The following CTIF variants were observed in gnomAD, a reference collection of about 807,000 sequenced individuals.
CTIF encodes the protein CBP80/20-dependent translation initiation factor.
A neutral mutation model predicts 66.0 loss-of-function variants in CTIF; 21 were observed. The ratio of observed to expected loss-of-function variants is 0.32; its 90% confidence interval spans 0.23 to 0.46. The LOEUF is 0.46. Ranked by LOEUF, CTIF falls within the 20% of genes least tolerant of loss-of-function variation. The pLI, the probability that CTIF is intolerant of heterozygous loss-of-function variation, is 1.00. For synonymous variants in CTIF, 345 were observed against 326.4 expected, an observed-to-expected ratio of 1.06 and a Z score of -0.62; for missense variants, 739 against 812.7, an observed-to-expected ratio of 0.91 and a Z score of 1.10.
chr18:48,727,432 T>A (rs1037554130), intron 7 of CTIF, among the ~76,000 whole-genome samples: 10 of 152,206 alleles, frequency 6.6e-5, no homozygotes, highest in African/African-American at 2.4e-4. Context: ...GCAGCTGATT[T>A]GTTGCTCAGA....
At chr18:48,676,941 A>G (rs1305392753) in intron 6 of CTIF, among the ~76,000 whole-genome samples, 2 of 151,916 alleles carry the variant, frequency 1.3e-5, no homozygotes, top group African/African-American at 2.4e-5. Context: ...CCGATAAGGA[A>G]TGGCCTGGCA....
At chr18:48,689,306 A>G (rs1462807032) in intron 6 of CTIF, among the ~76,000 whole-genome samples, 1 of 152,190 alleles carries the variant, frequency 6.6e-6, no homozygotes, top group Non-Finnish European at 1.5e-5. Context: ...TCTGTCTGAT[A>G]TTGTCATAAA....
chr18:48,585,659 A>T (rs145706969), intron 1 of CTIF, among the ~76,000 whole-genome samples: 1 of 152,208 alleles, frequency 6.6e-6, no homozygotes, highest in African/African-American at 2.4e-5. Flanking sequence ...AGCTGTGGAC[A>T]GGGACACTTG....
chr18:48,602,652 T>C (rs569329674), intron 1 of CTIF, among the ~76,000 whole-genome samples: 10 of 152,240 alleles, frequency 6.6e-5, no homozygotes, highest in Non-Finnish European at 1.3e-4. Flanking sequence ...TCTCCTATGT[T>C]GGTGCTGCTT....
intron 1 of CTIF, among the ~76,000 whole-genome samples, chr18:48,613,371 C>G (rs1252755077): frequency 6.6e-6 from 1 of 152,064 alleles, no homozygotes; most frequent in Non-Finnish European, 1.5e-5. Flanking sequence ...TCAGGCTGCC[C>G]CACGGTGTTC....
chr18:48,761,705 C>T lies in CTIF; in HGVS notation c.1371+16C>T. ...CATGCTGCAGGTAACTGGACGCCGG[C>T]CACCACCGCCCCGCGCCCCCTGCCC... On this transcript the variant is annotated intron_variant, in intron 9 of 11. Transcript: ENST00000256413. The surrounding 1 kb of genome is among the most constrained non-coding windows in gnomAD (Gnocchi z 4.2). 1 of 1,596,782 alleles carries T rather than the reference C, an allele frequency of 6.3e-7. No homozygotes were observed. Among genetic ancestry groups the T allele is most frequent in the Non-Finnish European group, 8.6e-7 (1 of 1,168,018 alleles).
intron 1 of CTIF, among the ~76,000 whole-genome samples, chr18:48,543,466 C>G (rs981316220): frequency 6.6e-6 from 1 of 152,162 alleles, no homozygotes; most frequent in African/African-American, 2.4e-5. Flanking sequence ...CCCTGCCTCC[C>G]GCTGTGTGCG....
intron 9 of CTIF, among the ~76,000 whole-genome samples, chr18:48,814,805 G>A (rs1161094495): frequency 1.3e-5 from 2 of 152,200 alleles, no homozygotes; most frequent in Non-Finnish European, 2.9e-5. Flanking sequence ...AAAGATGCTG[G>A]GCACGCACTA....
chr18:48,636,521 T>C (rs1271663209), intron 2 of CTIF, 93 bp from the exon 3 acceptor site: 17 of 873,584 alleles, frequency 1.9e-5, no homozygotes, highest in Non-Finnish European at 2.6e-5. Flanking sequence ...GTCATGCTAA[T>C]GGGGAAGGCC....
chr18:48,659,758 G>A (rs1298609550), intron 3 of CTIF, among the ~76,000 whole-genome samples: 1 of 152,230 alleles, frequency 6.6e-6, no homozygotes, highest in Non-Finnish European at 1.5e-5. Context: ...AGAGAGGAAG[G>A]AGAAGCAGCC....
intron 1 of CTIF, among the ~76,000 whole-genome samples, chr18:48,617,251 G>A (rs904435638): frequency 6.6e-6 from 1 of 152,214 alleles, no homozygotes; most frequent in Non-Finnish European, 1.5e-5. Flanking sequence ...CAGCAACAGT[G>A]CATTGAGTCT....
chr18:48,776,378 C>G, intron 9 of CTIF, among the ~76,000 whole-genome samples: 1 of 34,298 alleles, frequency 2.9e-5, no homozygotes, highest in Middle Eastern at 0.011. Flanking sequence ...CATGATGCCA[C>G]CCCCAGGAGC....
At position 48,862,930 on chromosome 18, in the gene CTIF, G is replaced by GTGTT. The variant is rs2069509755; in HGVS notation, c.*3372_*3375dup. The GTGTT allele has an allele frequency of 6.6e-6, 1 of 152,340 alleles. No individual in the cohort carries two copies. The allele number at this position is 152,340 out of a possible 1,614,324, so 9.4% of individuals were successfully genotyped here. A position where few individuals can be genotyped will look rare whatever the true frequency, so the allele number is the denominator to read the frequency against. On this transcript the variant is annotated 3_prime_UTR_variant, in exon 12 of 12. Transcript: ENST00000256413. ...TCGTGTCCCTCAGCTGCAGGGCACT[G>GTGTT]TGTTGGGAAACCATTGGCTGGGCCT...
At chr18:48,734,354 C>T (rs1160994617) in intron 7 of CTIF, among the ~76,000 whole-genome samples, 3 of 152,138 alleles carry the variant, frequency 2.0e-5, no homozygotes, top group African/African-American at 7.2e-5. Context: ...TCACTTGAGG[C>T]CAGGAGTTCA....
intron 1 of CTIF, among the ~76,000 whole-genome samples, chr18:48,554,054 G>C (rs1001657156): frequency 1.3e-5 from 2 of 152,194 alleles, no homozygotes; most frequent in African/African-American, 2.4e-5. Flanking sequence ...GCAGATTGCA[G>C]TGGGTGAAGA....
At chr18:48,787,958 G>T (rs1226973420) in intron 9 of CTIF, among the ~76,000 whole-genome samples, 2 of 152,168 alleles carry the variant, frequency 1.3e-5, no homozygotes, top group Non-Finnish European at 2.9e-5. Context: ...TGTCCTGATT[G>T]TCTCTCCTGG....
At chr18:48,835,669 G>A (rs2068792415) in intron 10 of CTIF, among the ~76,000 whole-genome samples, 1 of 152,142 alleles carries the variant, frequency 6.6e-6, no homozygotes, top group Non-Finnish European at 1.5e-5. Context: ...TGACCCCCAT[G>A]AGTGGCCTTG....
At chr18:48,596,477 CTT>C (rs112975997) in intron 1 of CTIF, among the ~76,000 whole-genome samples, 5 of 145,104 alleles carry the variant, frequency 3.4e-5, no homozygotes, top group Admixed American at 6.9e-5. Context: ...TTCTTTCTTT[CTT>C]TTTTTTTTTT....
At chr18:48,542,828 C>T (rs2088651703) in intron 1 of CTIF, among the ~76,000 whole-genome samples, 1 of 152,226 alleles carries the variant, frequency 6.6e-6, no homozygotes, top group South Asian at 2.1e-4. Context: ...TTTGCAACCT[C>T]CCGGGAGGGC....
Sources: gnomAD v4.1 joint callset for allele counts (sites outside exome capture counted in the v4.1 genomes callset) on GRCh38, gnomAD v4.1.1 for gene constraint, Gnocchi (gnomAD v3.1) non-coding constraint, MANE v1.5 for transcripts, NCBI Gene and HGNC (gene_info 2026-07-23, HGNC 2026-07-21) for gene names.